LINGO2: variants seen among roughly 807,000 people sequenced by gnomAD.
LINGO2 encodes the protein leucine rich repeat and Ig domain containing 2.
In LINGO2, 14 loss-of-function variants were observed where a neutral mutation model predicts 30.6. The observed-to-expected ratio is 0.46, with a 90% CI of 0.30 to 0.72. The LOEUF is 0.72. LINGO2 is among the 30% of genes least tolerant of loss of function. The pLI is 0.07. For missense variants in LINGO2, 729 were observed against 751.7 expected (o/e 0.97, Z 0.35); for synonymous variants, 317 against 288.5 (o/e 1.10, Z -1.00).
At chr9:28,709,870 C>T in the LINGO2 span, among the ~76,000 whole-genome samples, 2 of 151,884 alleles carry the variant, frequency 1.3e-5, no homozygotes, top group African/African-American at 4.8e-5. Context: ...GATTAATATG[C>T]CAATGTCTCT....
the LINGO2 span, among the ~76,000 whole-genome samples, chr9:28,826,174 C>G: frequency 2.0e-5 from 3 of 152,078 alleles, no homozygotes; most frequent in Non-Finnish European, 4.4e-5. Flanking sequence ...ACATTCATGG[C>G]CAAACCAGTG....
intron 1 of LINGO2, among the ~76,000 whole-genome samples, chr9:28,531,295 G>A (rs1393497492): frequency 6.6e-6 from 1 of 151,852 alleles, no homozygotes; most frequent in Admixed American, 6.6e-5. Flanking sequence ...AGCAACCTCT[G>A]TCCCTTCCAT....
chr9:28,413,645 C>T (rs1822857689), intron 2 of LINGO2, among the ~76,000 whole-genome samples: 2 of 152,006 alleles, frequency 1.3e-5, no homozygotes. Flanking sequence ...AGCTGTGCTC[C>T]ATTATGCTGA....
intron 3 of LINGO2, among the ~76,000 whole-genome samples, chr9:28,309,376 G>T (rs973390439): frequency 6.7e-6 from 1 of 149,644 alleles, no homozygotes; most frequent in South Asian, 2.1e-4. Flanking sequence ...GGTGGGAATT[G>T]AACAATGAGA....
chr9:28,378,407 T>G (rs1821214304), intron 2 of LINGO2, among the ~76,000 whole-genome samples: 1 of 152,074 alleles, frequency 6.6e-6, no homozygotes, highest in Non-Finnish European at 1.5e-5. Context: ...GATAGGAAAC[T>G]CCCCATGGAA....
At chr9:28,001,353 T>A (rs1216812239) in intron 5 of LINGO2, among the ~76,000 whole-genome samples, 4 of 152,146 alleles carry the variant, frequency 2.6e-5, no homozygotes, top group Admixed American at 2.6e-4. Flanking sequence ...AACAGAATCA[T>A]CGACTTGTAG....
chr9:28,352,622 G>C, intron 3 of LINGO2, among the ~76,000 whole-genome samples: 1 of 134,830 alleles, frequency 7.4e-6, no homozygotes, highest in Admixed American at 7.8e-5. Context: ...AGCTACCAAT[G>C]ACTTTCTTCA....
At chr9:28,762,762 GTTTGCTGGC>G in the LINGO2 span, among the ~76,000 whole-genome samples, 1 of 151,886 alleles carries the variant, frequency 6.6e-6, no homozygotes, top group Non-Finnish European at 1.5e-5. Context: ...CATCTTCTTT[GTTTGCTGGC>G]TTTTCAAAAT....
chr9:28,022,079 T>C (rs1008510877), intron 4 of LINGO2, among the ~76,000 whole-genome samples: 2 of 151,964 alleles, frequency 1.3e-5, no homozygotes, highest in Non-Finnish European at 2.9e-5. Flanking sequence ...TGAATATTTA[T>C]ATGATTCAAT....
chr9:29,158,509 C>T, the LINGO2 span, among the ~76,000 whole-genome samples: 1 of 151,906 alleles, frequency 6.6e-6, no homozygotes, highest in Admixed American at 6.6e-5. Flanking sequence ...CTGAGTAGAA[C>T]ATAAAATAAT....
At chr9:28,384,023 T>C (rs998650956) in intron 2 of LINGO2, among the ~76,000 whole-genome samples, 1 of 152,000 alleles carries the variant, frequency 6.6e-6, no homozygotes, top group African/African-American at 2.4e-5. Context: ...TCATTTTCAC[T>C]AAAATAAAAC....
intron 1 of LINGO2, among the ~76,000 whole-genome samples, chr9:28,633,575 A>G (rs1007218171): frequency 1.3e-5 from 2 of 152,204 alleles, no homozygotes; most frequent in African/African-American, 2.4e-5. Flanking sequence ...AGTAACATGT[A>G]CTTTAATAAG....
At chr9:28,806,954 T>G in the LINGO2 span, among the ~76,000 whole-genome samples, 1 of 151,800 alleles carries the variant, frequency 6.6e-6, no homozygotes, top group South Asian at 2.1e-4. Flanking sequence ...TAATATGAGT[T>G]GCTGACTTAA....
At chr9:28,257,627 T>C (rs545854065) in intron 4 of LINGO2, among the ~76,000 whole-genome samples, 43 of 151,908 alleles carry the variant, frequency 2.8e-4, no homozygotes, top group Non-Finnish European at 5.3e-4. Context: ...CTTACAGCTA[T>C]ACTTGAAGCT....
the LINGO2 span, among the ~76,000 whole-genome samples, chr9:29,211,891 G>C: frequency 6.6e-6 from 1 of 152,096 alleles, no homozygotes; most frequent in Non-Finnish European, 1.5e-5. Context: ...AAATATTCAA[G>C]GGAGGCGGGG....
chr9:28,582,024 G>A (rs1247881154), intron 1 of LINGO2, among the ~76,000 whole-genome samples: 2 of 151,900 alleles, frequency 1.3e-5, no homozygotes, highest in Non-Finnish European at 2.9e-5. Context: ...CTATGTTTGT[G>A]AGACATGTTC....
chr9:28,396,100 T>G (rs915367787), intron 2 of LINGO2, among the ~76,000 whole-genome samples: 1 of 152,198 alleles, frequency 6.6e-6, no homozygotes, highest in African/African-American at 2.4e-5. Flanking sequence ...TATGGGGCAC[T>G]TCATTTCTGA....
At chr9:28,497,594 A>G (rs1431452887) in intron 1 of LINGO2, among the ~76,000 whole-genome samples, 2 of 151,974 alleles carry the variant, frequency 1.3e-5, no homozygotes, top group East Asian at 1.9e-4. Flanking sequence ...CTTCTTTGTG[A>G]TGGGTTCGAA....
the LINGO2 span, among the ~76,000 whole-genome samples, chr9:28,890,672 A>T: frequency 2.0e-5 from 3 of 152,068 alleles, no homozygotes; most frequent in Admixed American, 2.0e-4. Context: ...CTATATTAAA[A>T]TTGTTGAATA....
Sources: gnomAD v4.1 joint callset for allele counts (sites outside exome capture counted in the v4.1 genomes callset) on GRCh38, gnomAD v4.1.1 for gene constraint, MANE v1.5 for transcripts, NCBI Gene and HGNC (gene_info 2026-07-23, HGNC 2026-07-21) for gene names.